Variants in GRIK1 observed in about 807,000 individuals in gnomAD.
GRIK1 encodes the protein glutamate ionotropic receptor kainate type subunit 1, also known as glutamate receptor ionotropic, kainate 1.
In GRIK1, 69 loss-of-function variants were observed where a neutral mutation model predicts 105.7. The observed-to-expected ratio is 0.65, with a 90% confidence interval of 0.54 to 0.80. The LOEUF is 0.80. Among genes scored for constraint, GRIK1 ranks in the 30% least tolerant of loss-of-function variants. The probability of loss-of-function intolerance (pLI) is 0.00; values close to 1 mark genes in which losing one functional copy is unlikely to be tolerated. For missense variants in GRIK1, 1,109 were observed against 1,167.3 expected (o/e 0.95, Z 0.73); for synonymous variants, 438 against 431.3 (o/e 1.02, Z -0.19).
intron 1 of GRIK1, among the ~76,000 whole-genome samples, chr21:29,872,298 A>G (rs112728546): frequency 0.078 from 11,558 of 147,324 alleles, 457 homozygotes; most frequent in African/African-American, 0.11. Context: ...GGTTCACGCC[A>G]TTCTCCTGCC....
chr21:29,785,738 G>T (rs781279626), intron 1 of GRIK1, among the ~76,000 whole-genome samples: 2 of 152,128 alleles, frequency 1.3e-5, no homozygotes, highest in Non-Finnish European at 2.9e-5. Flanking sequence ...CAGAAACTTG[G>T]TGGCTTAATA....
intron 1 of GRIK1, among the ~76,000 whole-genome samples, chr21:29,734,454 G>T (rs2064732107): frequency 6.8e-6 from 1 of 146,880 alleles, no homozygotes; most frequent in Non-Finnish European, 1.5e-5. Context: ...TCTTGCCCAG[G>T]GTGGAGTGCA....
chr21:29,668,838 G>A (rs937753867), intron 4 of GRIK1, among the ~76,000 whole-genome samples: 1 of 152,180 alleles, frequency 6.6e-6, no homozygotes, highest in African/African-American at 2.4e-5. Flanking sequence ...ACAGCGAAGA[G>A]TCGGCGAAAG....
intron 1 of GRIK1, among the ~76,000 whole-genome samples, chr21:29,873,616 T>G (rs2069093990): frequency 1.3e-5 from 2 of 152,218 alleles, no homozygotes; most frequent in South Asian, 4.1e-4. Flanking sequence ...ATATGATTGG[T>G]CACAAGGACC....
intron 1 of GRIK1, among the ~76,000 whole-genome samples, chr21:29,751,750 G>T (rs539184640): frequency 1.3e-5 from 2 of 152,234 alleles, no homozygotes; most frequent in African/African-American, 4.8e-5. Context: ...GTGGGTACTG[G>T]TACATCTGAT....
intron 1 of GRIK1, among the ~76,000 whole-genome samples, chr21:29,857,493 C>T (rs1447306384): frequency 6.6e-6 from 1 of 152,124 alleles, no homozygotes. Flanking sequence ...TTAGATCTGT[C>T]TGGGAAATAA....
intron 1 of GRIK1, among the ~76,000 whole-genome samples, chr21:29,908,296 T>C (rs765287557): frequency 1.3e-5 from 2 of 152,190 alleles, no homozygotes; most frequent in Non-Finnish European, 2.9e-5. Context: ...GTTTCCTAGA[T>C]ATCAACCACT....
chr21:29,909,339 C>T (rs1349300646), intron 1 of GRIK1, among the ~76,000 whole-genome samples: 1 of 151,734 alleles, frequency 6.6e-6, no homozygotes, highest in Non-Finnish European at 1.5e-5. Context: ...ATTATTGGCT[C>T]CTTTGTGAGG....
At chr21:29,553,532 CTTTT>C in intron 16 of GRIK1, 19 of 1,320,348 alleles carry the variant, frequency 1.4e-5, no homozygotes, top group Non-Finnish European at 1.8e-5. Context: ...CTGGGCACAT[CTTTT>C]TTTTTTTTTT....
chr21:29,714,156 T>C (rs936560416), intron 1 of GRIK1, among the ~76,000 whole-genome samples: 2 of 152,170 alleles, frequency 1.3e-5, no homozygotes, highest in South Asian at 4.1e-4. Context: ...GTTTAGAGTA[T>C]CTTTAAATTT....
chr21:29,781,193 AT>A (rs1193939888), intron 1 of GRIK1, among the ~76,000 whole-genome samples: 1 of 152,152 alleles, frequency 6.6e-6, no homozygotes, highest in Non-Finnish European at 1.5e-5. Context: ...TTTTATATAA[AT>A]GGAATCATAC....
chr21:29,804,930 T>C (rs955791160), intron 1 of GRIK1, among the ~76,000 whole-genome samples: 1 of 152,156 alleles, frequency 6.6e-6, no homozygotes, highest in African/African-American at 2.4e-5. Flanking sequence ...ATTATCCCCA[T>C]TTTACATATT....
At chr21:29,559,093 G>A (rs753791323) in intron 15 of GRIK1, among the ~76,000 whole-genome samples, 45 of 152,086 alleles carry the variant, frequency 3.0e-4, no homozygotes, top group Non-Finnish European at 5.7e-4. Context: ...AATGATAAAA[G>A]CACAGTTTTT....
chr21:29,839,853 C>T (rs1044681726), intron 1 of GRIK1, among the ~76,000 whole-genome samples: 1 of 152,094 alleles, frequency 6.6e-6, no homozygotes, highest in Non-Finnish European at 1.5e-5. Flanking sequence ...ACTAATCTCG[C>T]TGGTGGTGGA....
intron 1 of GRIK1, among the ~76,000 whole-genome samples, chr21:29,766,662 C>T (rs2065675279): frequency 6.6e-6 from 1 of 152,170 alleles, no homozygotes; most frequent in South Asian, 2.1e-4. Flanking sequence ...AATATTCTTT[C>T]TCACACATAG....
At chr21:29,628,003 A>G (rs1169056901) in intron 7 of GRIK1, among the ~76,000 whole-genome samples, 1 of 152,206 alleles carries the variant, frequency 6.6e-6, no homozygotes, top group Non-Finnish European at 1.5e-5. Context: ...TTTGTTTTTA[A>G]TTAAAGAAGG....
At chr21:29,823,818 C>T (rs1055327082) in intron 1 of GRIK1, among the ~76,000 whole-genome samples, 1 of 151,990 alleles carries the variant, frequency 6.6e-6, no homozygotes, top group African/African-American at 2.4e-5. Context: ...ACTCCTTTGG[C>T]TTTTCAAAGC....
chr21:29,601,146 A>C (rs2061510452), intron 7 of GRIK1: 3 of 455,246 alleles, frequency 6.6e-6, no homozygotes, highest in South Asian at 3.1e-5. Context: ...TCTCCACGTG[A>C]GTGGGTACCA....
At chr21:29,754,309 C>T (rs4817302) in intron 1 of GRIK1, among the ~76,000 whole-genome samples, 3,635 of 152,150 alleles carry the variant, frequency 0.024, 113 homozygotes, top group East Asian at 0.1. Flanking sequence ...ACTTGGAGAT[C>T]GATGCTTACA....
Sources: allele counts gnomAD v4.1 joint callset (sites outside exome capture counted in the v4.1 genomes callset), GRCh38; gene constraint gnomAD v4.1.1; transcripts MANE v1.5; gene names NCBI Gene and HGNC (gene_info 2026-07-23, HGNC 2026-07-21).